Variants in OR51B5 observed in about 807,000 individuals in gnomAD.
OR51B5 encodes the protein olfactory receptor 51B5.
For synonymous variants in OR51B5, 186 were observed against 144.8 expected, an observed-to-expected ratio of 1.28 and a Z score of -2.04; for missense variants, 456 against 374.6, an observed-to-expected ratio of 1.22 and a Z score of -1.79.
chr11:5,395,379 G>C (rs540868080), intron 1 of OR51B5, among the ~76,000 whole-genome samples: 1 of 152,190 alleles, frequency 6.6e-6, no homozygotes, highest in Admixed American at 6.5e-5. Flanking sequence ...GATAAAGGAA[G>C]TCATTGGAGT....
intron 1 of OR51B5, among the ~76,000 whole-genome samples, chr11:5,358,371 A>G (rs1264648990): frequency 6.6e-6 from 1 of 152,208 alleles, no homozygotes; most frequent in African/African-American, 2.4e-5. Flanking sequence ...ACACCTCTAC[A>G]CAAATAAACT....
At chr11:5,473,765 T>C (rs1479391463) in intron 1 of OR51B5, among the ~76,000 whole-genome samples, 1 of 152,120 alleles carries the variant, frequency 6.6e-6, no homozygotes, top group African/African-American at 2.4e-5. Context: ...ATCAAAGACT[T>C]CCTCATGAAA....
chr11:5,398,034 C>T (rs924516156), intron 1 of OR51B5, among the ~76,000 whole-genome samples: 6 of 152,014 alleles, frequency 3.9e-5, no homozygotes, highest in African/African-American at 1.5e-4. Flanking sequence ...GGGAACATCA[C>T]ACACCGGGGC....
At chr11:5,480,611 C>G (rs1250051848) in intron 1 of OR51B5, among the ~76,000 whole-genome samples, 1 of 151,366 alleles carries the variant, frequency 6.6e-6, no homozygotes, top group Non-Finnish European at 1.5e-5. Flanking sequence ...AGACCGCTAG[C>G]AAGACTAATA....
intron 1 of OR51B5, among the ~76,000 whole-genome samples, chr11:5,359,914 A>G (rs1246377731): frequency 2.6e-5 from 4 of 152,242 alleles, no homozygotes; most frequent in Non-Finnish European, 4.4e-5. Flanking sequence ...TATTTAATAA[A>G]TGGTGCTGGG....
At chr11:5,454,031 C>A in intron 1 of OR51B5, 1 of 1,614,086 alleles carries the variant, frequency 6.2e-7, no homozygotes, top group Non-Finnish European at 8.5e-7. Context: ...ACTGCCTGCA[C>A]CCAGACATGA....
chr11:5,412,743 G>T (rs1850169140), intron 1 of OR51B5, among the ~76,000 whole-genome samples: 1 of 152,034 alleles, frequency 6.6e-6, no homozygotes, highest in South Asian at 2.1e-4. Flanking sequence ...TGGGGGAGGG[G>T]CACCCGCCAT....
At chr11:5,351,494 T>G in intron 1 of OR51B5, 1 of 1,595,390 alleles carries the variant, frequency 6.3e-7, no homozygotes, top group South Asian at 1.1e-5. Flanking sequence ...ATTTGCCTCT[T>G]TGCAAAGCTG....
intron 1 of OR51B5, among the ~76,000 whole-genome samples, chr11:5,376,850 G>C (rs1234260042): frequency 6.8e-6 from 1 of 147,766 alleles, no homozygotes; most frequent in Non-Finnish European, 1.5e-5. Context: ...TCCAGGACCA[G>C]ATGGATTCAC....
At chr11:5,383,250 T>C (rs1045574580) in intron 1 of OR51B5, among the ~76,000 whole-genome samples, 9 of 152,102 alleles carry the variant, frequency 5.9e-5, no homozygotes, top group Non-Finnish European at 1.2e-4. Context: ...ACCTGGACAT[T>C]TGTTTGGGGT....
chr11:5,417,004 A>C (rs1282767814), intron 1 of OR51B5, among the ~76,000 whole-genome samples: 1 of 147,092 alleles, frequency 6.8e-6, no homozygotes, highest in Non-Finnish European at 1.5e-5. Flanking sequence ...AGCTGGAGGC[A>C]TCACACTACC....
At chr11:5,400,960 G>C (rs556474945) in intron 1 of OR51B5, among the ~76,000 whole-genome samples, 1 of 152,212 alleles carries the variant, frequency 6.6e-6, no homozygotes, top group Non-Finnish European at 1.5e-5. Context: ...ATGTTTGTTC[G>C]TGTGTGAATA....
At chr11:5,465,279 T>A (rs199726322) in intron 1 of OR51B5, among the ~76,000 whole-genome samples, 19 of 150,098 alleles carry the variant, frequency 1.3e-4, no homozygotes, top group Admixed American at 2.0e-4. Flanking sequence ...TTTCCTGACT[T>A]TTTAATGATT....
In OR51B5 at chr11:5,417,975, C is replaced by A. The variant is rs543300183; in HGVS notation, n.85-71065G>T. Reference sequence around the variant, plus strand: ...GACACATGCACACGTATGTTTATTGCGGCACTACTCACAATAGCAAACTTG... The same window carrying A: ...GACACATGCACACGTATGTTTATTGAGGCACTACTCACAATAGCAAACTTG... On this transcript the variant is annotated intron_variant and non_coding_transcript_variant, in intron 1 of 4. Transcript: ENST00000415970. Among the ~76,000 whole-genome samples the A allele has an allele frequency of 4.4e-4, 65 of 148,422 alleles. 3 individuals are homozygous for A. In the South Asian group the frequency reaches 0.014, roughly 32 times the overall value.
chr11:5,450,733 C>T (rs1444653607), intron 1 of OR51B5, among the ~76,000 whole-genome samples: 2 of 152,312 alleles, frequency 1.3e-5, no homozygotes, highest in Middle Eastern at 3.4e-3. Flanking sequence ...AACTTACTCT[C>T]CAATGCCTTA....
At chr11:5,364,687 A>T (rs1173118283) in intron 1 of OR51B5, among the ~76,000 whole-genome samples, 1 of 152,176 alleles carries the variant, frequency 6.6e-6, no homozygotes, top group Admixed American at 6.5e-5. Context: ...ACTCTAAGGC[A>T]GCCCTCTAAG....
intron 1 of OR51B5, chr11:5,489,624 A>G (rs1851552961): frequency 6.2e-7 from 1 of 1,613,468 alleles, no homozygotes; most frequent in African/African-American, 1.3e-5. Flanking sequence ...TTCGGAGTCG[A>G]CTTCTAAAAC....
At chr11:5,381,088 C>A (rs1348339011) in intron 1 of OR51B5, among the ~76,000 whole-genome samples, 1 of 151,654 alleles carries the variant, frequency 6.6e-6, no homozygotes, top group Non-Finnish European at 1.5e-5. Context: ...TATACTGGCC[C>A]CTTGAAAGCC....
chr11:5,396,697 A>C (rs1024212071), intron 1 of OR51B5, among the ~76,000 whole-genome samples: 1 of 151,936 alleles, frequency 6.6e-6, no homozygotes, highest in East Asian at 1.9e-4. Flanking sequence ...GAATTGGAAA[A>C]AACTACTTTA....
Sources: allele counts gnomAD v4.1 joint callset (sites outside exome capture counted in the v4.1 genomes callset), GRCh38; gene constraint gnomAD v4.1.1; transcripts MANE v1.5; gene names NCBI Gene and HGNC (gene_info 2026-07-23, HGNC 2026-07-21).